The following DOCK1 variants were observed in gnomAD, a reference collection of about 807,000 sequenced individuals.
DOCK1 encodes the protein dedicator of cytokinesis 1, also known as dedicator of cytokinesis protein 1.
Under a neutral mutation model 262.7 loss-of-function variants are expected in DOCK1, and 138 were observed. That is an observed-to-expected ratio of 0.53 (90% CI 0.46 to 0.61). The LOEUF is 0.61. DOCK1 is among the 20% of genes least tolerant of loss of function. The probability of loss-of-function intolerance (pLI) is 0.00; values close to 1 mark genes in which losing one functional copy is unlikely to be tolerated. For synonymous variants in DOCK1, 866 were observed against 867.4 expected, an observed-to-expected ratio of 1.00 and a Z score of 0.03; for missense variants, 1,908 against 2,370.7, an observed-to-expected ratio of 0.80 and a Z score of 4.05.
intron 24 of DOCK1, among the ~76,000 whole-genome samples, chr10:127,106,740 G>A (rs1031271685): frequency 5.3e-5 from 8 of 151,996 alleles, no homozygotes; most frequent in Non-Finnish European, 8.8e-5. Context: ...AGACTCAGAA[G>A]TTACTAAGAA....
At chr10:126,955,385 C>A (rs1320288656) in intron 1 of DOCK1, among the ~76,000 whole-genome samples, 1 of 152,220 alleles carries the variant, frequency 6.6e-6, no homozygotes, top group Non-Finnish European at 1.5e-5. Flanking sequence ...CTTGGCCTCC[C>A]AAAGGGCTGG....
In DOCK1 at chr10:127,419,676, C is replaced by T. The variant is rs1033275695; in HGVS notation, c.4703C>T (p.Thr1568Ile). ...CCTTGTCTCCACCAGGCCTTCTTTA[C>T]AGACCGGTACCTGCAGGAGCACCCT... ...GFANYEKAFF[T>I]DRYLQEHPEA... The change falls in exon 46 of 52, where the codon ACA becomes ATA. Residue 1568 changes from threonine (T) to isoleucine (I), a missense_variant. Thr to Ile is a moderately conservative substitution (Grantham distance 89, BLOSUM62 -1). Coordinates refer to ENST00000623213, the MANE Select transcript of DOCK1 (RefSeq NM_001290223.2). 2 of 1,604,248 alleles carry T rather than the reference C, an allele frequency of 1.2e-6. No homozygotes were observed. Among genetic ancestry groups the T allele is most frequent in the East Asian group, 2.2e-5 (1 of 44,508 alleles).
chr10:126,996,705 C>T (rs746549098), intron 6 of DOCK1, 43 bp from the exon 7 acceptor site: 17 of 1,540,584 alleles, frequency 1.1e-5, no homozygotes, highest in African/African-American at 1.4e-5. Flanking sequence ...ATTCAGCCTC[C>T]TTGGTCTATG....
intron 27 of DOCK1, among the ~76,000 whole-genome samples, chr10:127,245,518 C>T (rs1465912659): frequency 1.3e-5 from 2 of 152,170 alleles, no homozygotes; most frequent in East Asian, 1.9e-4. Context: ...GACTTCCCCA[C>T]GGGGCATTTA....
chr10:127,176,018 G>A lies in DOCK1; in HGVS notation c.2847+48254G>A, dbSNP rs367902185. 4 of 1,614,142 alleles carry A rather than the reference G, an allele frequency of 2.5e-6. No individual in the cohort carries two copies. Among genetic ancestry groups the A allele is most frequent in the South Asian group, 2.2e-5 (2 of 91,074 alleles). Reference sequence around the variant, plus strand: ...GATCTGCAGCTGGGAGGCTTTTGAGGTTCCCCTTTTTGCGGTCCAGAGGGA... The same window carrying A: ...GATCTGCAGCTGGGAGGCTTTTGAGATTCCCCTTTTTGCGGTCCAGAGGGA... On this transcript the variant is annotated intron_variant, in intron 27 of 51. Coordinates refer to ENST00000623213, the MANE Select transcript of DOCK1 (RefSeq NM_001290223.2). This position sits in a 1 kb window ranked among gnomAD's most constrained non-coding sequence, Gnocchi z 4.4.
chr10:127,082,060 AG>A (rs1266947238), intron 23 of DOCK1, among the ~76,000 whole-genome samples: 75 of 152,088 alleles, frequency 4.9e-4, no homozygotes, highest in African/African-American at 1.8e-3. Context: ...CCTAAACTAC[AG>A]GATTTTGTCA....
At chr10:127,017,035 CCACACACACACA>C (rs147295824) in intron 12 of DOCK1, among the ~76,000 whole-genome samples, 1 of 108,400 alleles carries the variant, frequency 9.2e-6, no homozygotes, top group African/African-American at 3.6e-5. Flanking sequence ...GATACAGATA[CCACACACACACA>C]CACACACACA....
intron 1 of DOCK1, among the ~76,000 whole-genome samples, chr10:126,948,907 A>G (rs1409991819): frequency 6.6e-6 from 1 of 152,042 alleles, no homozygotes; most frequent in Non-Finnish European, 1.5e-5. Context: ...TTGCGTGAGA[A>G]GGCAGGTCTG....
In DOCK1 at chr10:127,130,099, C is replaced by T. The variant is rs1420213888; in HGVS notation, c.2847+2335C>T. On this transcript the variant is annotated intron_variant, in intron 27 of 51. Transcript: ENST00000623213. Reference sequence around the variant, plus strand: ...TTTTTTTTTTTTTTTTTTTTTTTCCCCTGAGATAGAGTCTTGCTCTGTCGC... The same window carrying T: ...TTTTTTTTTTTTTTTTTTTTTTTCCTCTGAGATAGAGTCTTGCTCTGTCGC... 2.0e-5 allele frequency among the ~76,000 whole-genome samples: 2 copies of T among 100,426 alleles called. 1 individual carries two copies. Among genetic ancestry groups the T allele is most frequent in the East Asian group, 5.7e-4 (2 of 3,534 alleles). The allele number at this position is 100,426 out of a possible 152,430, so 65.9% of individuals were successfully genotyped here.
chr10:127,149,884 G>A (rs377393202), intron 27 of DOCK1, among the ~76,000 whole-genome samples: 3 of 152,304 alleles, frequency 2.0e-5, no homozygotes, highest in South Asian at 2.1e-4. Context: ...TAATGGTGGT[G>A]TAGGGACTCA....
At chr10:126,955,642 G>C (rs1051741136) in intron 1 of DOCK1, among the ~76,000 whole-genome samples, 33 of 152,110 alleles carry the variant, frequency 2.2e-4, no homozygotes, top group African/African-American at 8.0e-4. Flanking sequence ...CAGATCTGGG[G>C]CAGAGTAGCT....
At position 127,247,991 on chromosome 10, in the gene DOCK1, T is replaced by G; in HGVS notation, c.2848-17T>G. On this transcript the variant is annotated splice_polypyrimidine_tract_variant and intron_variant, in intron 27 of 51. Transcript: ENST00000623213. ...TTGCTCTGTCTCATCTAATTCTATCTTTTGATTCATTTACAGGGAAACTTC... is the reference window on the plus strand; with the variant it reads ...TTGCTCTGTCTCATCTAATTCTATCGTTTGATTCATTTACAGGGAAACTTC... 6.2e-7 allele frequency: 1 copy of G among 1,612,098 alleles called. No individual in the cohort carries two copies. The highest frequency in any genetic ancestry group is 8.5e-7 in the Non-Finnish European group (1 of 1,178,424).
chr10:127,447,875 A>G (rs2070690697), intron 51 of DOCK1, among the ~76,000 whole-genome samples: 3 of 152,210 alleles, frequency 2.0e-5, no homozygotes, highest in Admixed American at 2.0e-4. Flanking sequence ...TGCAATTCTA[A>G]TGACATTTTG....
At chr10:127,123,330 G>T (rs149561004) in intron 25 of DOCK1, among the ~76,000 whole-genome samples, 34 of 152,286 alleles carry the variant, frequency 2.2e-4, no homozygotes, top group Non-Finnish European at 4.4e-4. Context: ...GACAGGGTTG[G>T]GCCAGGGCTC....
At chr10:126,960,925 A>C (rs2037167340) in intron 1 of DOCK1, among the ~76,000 whole-genome samples, 1 of 151,852 alleles carries the variant, frequency 6.6e-6, no homozygotes, top group Non-Finnish European at 1.5e-5. Context: ...AGGCATACAG[A>C]GATATTTTAT....
At chr10:127,364,441 A>G (rs547531943) in intron 33 of DOCK1, among the ~76,000 whole-genome samples, 1 of 152,264 alleles carries the variant, frequency 6.6e-6, no homozygotes, top group South Asian at 2.1e-4. Context: ...ATCTCAGCTC[A>G]CTACAGCCTC....
At chr10:127,114,586 G>A (rs2049056966) in intron 25 of DOCK1, among the ~76,000 whole-genome samples, 1 of 151,876 alleles carries the variant, frequency 6.6e-6, no homozygotes, top group South Asian at 2.1e-4. Context: ...TCTGGAAATA[G>A]GAGGGGGGTG....
In DOCK1 at chr10:127,451,467, C is replaced by T; in HGVS notation, c.*40C>T. 1 of 1,551,982 alleles carries T rather than the reference C, an allele frequency of 6.4e-7. No homozygotes were observed. The highest frequency in any genetic ancestry group is 8.7e-7 in the Non-Finnish European group (1 of 1,148,026). On this transcript the variant is annotated 3_prime_UTR_variant, in exon 52 of 52. Coordinates refer to ENST00000623213, the MANE Select transcript of DOCK1 (RefSeq NM_001290223.2). ...CTGGAAAGAGTGTGCTGCCCCTCCC[C>T]ATCTCCATGCCCTCTCCTTCTGTGT...
intron 8 of DOCK1, 67 bp downstream of exon 8, chr10:126,998,316 A>G (rs1163073788): frequency 1.2e-5 from 19 of 1,596,830 alleles, no homozygotes; most frequent in Non-Finnish European, 1.6e-5. Context: ...GATCAGAACC[A>G]CTGAAGCGTC....
Sources: gnomAD v4.1 joint callset for allele counts (sites outside exome capture counted in the v4.1 genomes callset) on GRCh38, gnomAD v4.1.1 for gene constraint, Gnocchi (gnomAD v3.1) non-coding constraint, MANE v1.5 for transcripts, NCBI Gene and HGNC (gene_info 2026-07-23, HGNC 2026-07-21) for gene names.